The following HNRNPH2 variants were observed in gnomAD, a reference collection of about 807,000 sequenced individuals.
HNRNPH2 encodes FTP-3.
For missense variants in HNRNPH2, 115 were observed against 352.9 expected (o/e 0.33, Z 5.40); for synonymous variants, 128 against 128.2 (o/e 1.00, Z 0.01).
At chrX:101,408,779 T>G (rs1346354994) in intron 1 of HNRNPH2, among the ~76,000 whole-genome samples, 1 of 111,675 alleles carries the variant, frequency 9.0e-6, no homozygotes, top group Non-Finnish European at 1.9e-5. Context: ...ATAAATTACT[T>G]TACTGAATAG....
At position 101,411,941 on chromosome X, in the gene HNRNPH2, C is replaced by A; in HGVS notation, c.-48C>A. 1 of 1,127,977 alleles carries A rather than the reference C, an allele frequency of 8.9e-7. No individual in the cohort carries two copies. The highest frequency in any genetic ancestry group is 3.2e-5 in the Admixed American group (1 of 31,204). 93.0% of individuals were successfully genotyped at this position (1,127,977 alleles called of 1,213,427 possible). A position where few individuals can be genotyped will look rare whatever the true frequency, so the allele number is the denominator to read the frequency against. ...CTTCTTTTTTTTTTTTTCAGCTACA[C>A]CAAAATTGCATTGAGCCAAACTTGC... On this transcript the variant is annotated 5_prime_UTR_variant, in exon 2 of 2. Transcript: ENST00000316594.
chrX:101,410,672 G>C (rs1382463243), intron 1 of HNRNPH2, among the ~76,000 whole-genome samples: 1 of 111,366 alleles, frequency 9.0e-6, no homozygotes, highest in Non-Finnish European at 1.9e-5. Flanking sequence ...AATCTCCCTA[G>C]TTCCACGTCG....
rs1385794112 is a variant in HNRNPH2, at chrX:101,412,234, C to T, written c.246C>T (p.Tyr82=). ...KKDRETMGHR[Y]VEVFKSNSVE... is the part of the protein sequence containing the mutation. ...ACAGAGAAACCATGGGACACAGATA[C>T]GTTGAAGTATTCAAGTCTAACAGTG... The change falls in exon 2 of 2, where the codon TAC becomes TAT. Residue 82 remains tyrosine, a synonymous_variant. Transcript: ENST00000316594. 2.7e-5 allele frequency: 33 copies of T among 1,210,557 alleles called. No individual in the cohort carries two copies. The highest frequency in any genetic ancestry group is 5.3e-5 in the South Asian group (3 of 56,908).
At chrX:101,409,183 A>G (rs1555987615) in intron 1 of HNRNPH2, among the ~76,000 whole-genome samples, 1 of 112,000 alleles carries the variant, frequency 8.9e-6, no homozygotes, top group African/African-American at 3.2e-5. Context: ...AATGAAATAA[A>G]AAAACAGCTT....
chrX:101,413,577 GGAAGTTGAGATTATTTTAAAACTTCAA>G lies in HNRNPH2; in HGVS notation c.*241_*267del, dbSNP rs2147495951. The stretch of plus-strand genomic sequence containing the variant: ...TTGTGATTCATGCTTACTGTAAAGT[GGAAGTTGAGATTATTTTAAAACTTCAA>G]GCTCAGTAATTTTGAACACTGAAAC... On this transcript the variant is annotated 3_prime_UTR_variant, in exon 2 of 2. Coordinates refer to ENST00000316594, the MANE Select transcript of HNRNPH2 (RefSeq NM_019597.5). 1 of 313,145 alleles carries G rather than the reference GGAAGTTGAGATTATTTTAAAACTTCAA, an allele frequency of 3.2e-6. No homozygotes were observed. The highest frequency in any genetic ancestry group is 5.8e-6 in the Non-Finnish European group (1 of 173,784). 25.8% of individuals were successfully genotyped at this position (313,145 alleles called of 1,213,427 possible). A position where few individuals can be genotyped will look rare whatever the true frequency, so the allele number is the denominator to read the frequency against.
Position 101,413,305 on chromosome X carries a change from A to T in HNRNPH2, c.1317A>T (p.Glu439Asp), listed in dbSNP as rs186265745. Residue 439 changes from glutamate to aspartate, a missense_variant, in exon 2 of 2, where the codon GAA becomes GAT. Glu to Asp is a conservative substitution (Grantham distance 45). Coordinates refer to ENST00000316594, the MANE Select transcript of HNRNPH2 (RefSeq NM_019597.5). The stretch of plus-strand genomic sequence containing the variant: ...GTGGATATGACCAAGTTCTGCAGGA[A>T]AACTCCAGTGACTATCAGTCAAACC... ...SMSGYDQVLQ[E>D]NSSDYQSNLA The T allele has an allele frequency of 4.2e-6, 5 of 1,189,061 alleles. No individual in the cohort carries two copies. The East Asian group carries it at 1.5e-4, about 35-fold the overall frequency.
chrX:101,411,827 A>G, intron 1 of HNRNPH2, 109 bp from the exon 2 acceptor site: 1 of 846,891 alleles, frequency 1.2e-6, no homozygotes, highest in Non-Finnish European at 1.6e-6. Flanking sequence ...CAGACGTCTT[A>G]CAGAAAAGCT....
intron 1 of HNRNPH2, among the ~76,000 whole-genome samples, chrX:101,410,921 T>C (rs1198379402): frequency 8.9e-6 from 1 of 111,889 alleles, no homozygotes; most frequent in African/African-American, 3.2e-5. Context: ...GGCAGATTAG[T>C]CTGTTTCATT....
chrX:101,410,543 T>C (rs1011494141), intron 1 of HNRNPH2, among the ~76,000 whole-genome samples: 5 of 112,539 alleles, frequency 4.4e-5, no homozygotes, highest in Non-Finnish European at 9.4e-5. Flanking sequence ...ATACTTAATC[T>C]GTTATCAAGT....
chrX:101,410,297 C>T (rs1266431213), intron 1 of HNRNPH2, among the ~76,000 whole-genome samples: 5 of 112,085 alleles, frequency 4.5e-5, no homozygotes, highest in Non-Finnish European at 9.4e-5. Flanking sequence ...TATCAAATTG[C>T]TTTCAGGATA....
rs1336210841 is a variant in HNRNPH2, at chrX:101,414,082, T to G, written c.*744T>G. The G allele has an allele frequency of 8.2e-6, 1 of 122,538 alleles. No homozygotes were observed. The highest frequency in any genetic ancestry group is 3.3e-5 in the African/African-American group (1 of 30,726). The allele number at this position is 122,538 out of a possible 1,213,427, so 10.1% of individuals were successfully genotyped here. On this transcript the variant is annotated 3_prime_UTR_variant, in exon 2 of 2. Coordinates refer to ENST00000316594, the MANE Select transcript of HNRNPH2 (RefSeq NM_019597.5). ...TATTGTGATTTCCATTTAGATGTAT[T>G]GTACTAAGTGAAACTTGTTAAATAA...
At position 101,412,846 on chromosome X, in the gene HNRNPH2, C is replaced by A; in HGVS notation, c.858C>A (p.Thr286=). 8.3e-7 allele frequency: 1 copy of A among 1,210,421 alleles called. No individual in the cohort carries two copies. The highest frequency in any genetic ancestry group is 1.7e-5 in the African/African-American group (1 of 57,730). The change falls in exon 2 of 2, where the codon ACC becomes ACA. Residue 286 remains threonine, a synonymous_variant. Coordinates refer to ENST00000316594, the MANE Select transcript of HNRNPH2 (RefSeq NM_019597.5). ...ATGGTGGGTCCAGTTTCCAGAGCACCACAGGGCACTGTGTACACATGAGGG... is the reference window on the plus strand; with the variant it reads ...ATGGTGGGTCCAGTTTCCAGAGCACAACAGGGCACTGTGTACACATGAGGG... The part of the protein sequence containing the change: ...YGDGGSSFQS[T]TGHCVHMRGL...
At chrX:101,410,403 C>A (rs782283458) in intron 1 of HNRNPH2, among the ~76,000 whole-genome samples, 1 of 112,193 alleles carries the variant, frequency 8.9e-6, no homozygotes, top group Non-Finnish European at 1.9e-5. Context: ...TTTACTGTTG[C>A]TGTTTAATTT....
At chrX:101,411,806 C>G (rs189564789) in intron 1 of HNRNPH2, 130 bp from the exon 2 acceptor site, 2 of 679,818 alleles carry the variant, frequency 2.9e-6, no homozygotes, top group East Asian at 3.7e-5. Flanking sequence ...TTGGTGAACT[C>G]TCTGTTTATA....
In HNRNPH2 at chrX:101,410,384, T is replaced by C. The variant is rs542154319; in HGVS notation, c.-53-1552T>C. On this transcript the variant is annotated intron_variant, in intron 1 of 1. Coordinates refer to ENST00000316594, the MANE Select transcript of HNRNPH2 (RefSeq NM_019597.5). ...GTAGTGTATTAGTTTGTGAACTGCA[T>C]AGCACTGATTTACTGTTGCTGTTTA... Among the ~76,000 whole-genome samples the C allele has an allele frequency of 1.3e-3, 151 of 112,471 alleles. No homozygotes were observed. In the Middle Eastern group the frequency reaches 0.014, roughly 10 times the overall value.
chrX:101,409,850 A>AT (rs782808884), intron 1 of HNRNPH2, among the ~76,000 whole-genome samples: 4 of 111,778 alleles, frequency 3.6e-5, no homozygotes, highest in South Asian at 3.6e-4. Context: ...AGGCAGATAG[A>AT]TTTTTTTTAA....
rs782658213 is a variant in HNRNPH2, at chrX:101,408,273, T to C, written c.-100T>C. The C allele has an allele frequency of 3.7e-6, 1 of 268,181 alleles. No individual in the cohort carries two copies. The highest frequency in any genetic ancestry group is 2.8e-5 in the African/African-American group (1 of 35,890). The allele number at this position is 268,181 out of a possible 1,213,427, so 22.1% of individuals were successfully genotyped here. ...CTGGTCGTCGTCTACCGTCTCGCTA[T>C]AGCCGTTTGAGGGAAGAAGGAGGAA... On this transcript the variant is annotated 5_prime_UTR_variant, in exon 1 of 2. Coordinates refer to ENST00000316594, the MANE Select transcript of HNRNPH2 (RefSeq NM_019597.5).
intron 1 of HNRNPH2, among the ~76,000 whole-genome samples, chrX:101,411,366 TTTA>T (rs1928788185): frequency 9.1e-6 from 1 of 109,469 alleles, no homozygotes; most frequent in Non-Finnish European, 1.9e-5. Flanking sequence ...ATAGCCATCT[TTTA>T]TTTGTTGACA....
chrX:101,411,253 A>AT (rs1928782355), intron 1 of HNRNPH2, among the ~76,000 whole-genome samples: 1 of 109,904 alleles, frequency 9.1e-6, no homozygotes, highest in Non-Finnish European at 1.9e-5. Flanking sequence ...TTATATAATG[A>AT]AGATATTATA....
Sources: allele counts gnomAD v4.1 joint callset (sites outside exome capture counted in the v4.1 genomes callset), GRCh38; gene constraint gnomAD v4.1.1; transcripts MANE v1.5; gene names NCBI Gene and HGNC (gene_info 2026-07-23, HGNC 2026-07-21).